The following ACAP2 variants were observed in gnomAD, a reference collection of about 807,000 sequenced individuals.
The protein encoded by ACAP2 is arf-GAP with coiled-coil, ANK repeat and PH domain-containing protein 2.
ACAP2 carries 39 observed loss-of-function variants against 115.8 expected under a neutral mutation model. The observed-to-expected ratio is 0.34, with a 90% CI of 0.26 to 0.44. ACAP2 has a LOEUF of 0.44. ACAP2 is among the 20% of genes least tolerant of loss of function. ACAP2 has a pLI of 1.00. For missense variants in ACAP2, 662 were observed against 927.6 expected (o/e 0.71, Z 3.72); for synonymous variants, 289 against 315.8 (o/e 0.92, Z 0.90).
At chr3:195,368,746 T>C (rs973133278) in intron 4 of ACAP2, among the ~76,000 whole-genome samples, 2 of 152,200 alleles carry the variant, frequency 1.3e-5, no homozygotes, top group Admixed American at 6.5e-5. Flanking sequence ...TGTGACTTGA[T>C]GAAATTTCAT....
intron 10 of ACAP2, among the ~76,000 whole-genome samples, chr3:195,318,350 G>C (rs967629196): frequency 6.6e-6 from 1 of 152,202 alleles, no homozygotes; most frequent in Non-Finnish European, 1.5e-5. Context: ...AACAGGCAGA[G>C]GTTGGAACAG....
chr3:195,362,182 G>A (rs1411317902), intron 4 of ACAP2, among the ~76,000 whole-genome samples: 1 of 152,032 alleles, frequency 6.6e-6, no homozygotes, highest in Non-Finnish European at 1.5e-5. Context: ...CAGGCGTGGT[G>A]GCACTTGCCT....
chr3:195,316,893 A>ATTTTT (rs60184290), intron 10 of ACAP2, among the ~76,000 whole-genome samples: 1 of 53,886 alleles, frequency 1.9e-5, no homozygotes, highest in Non-Finnish European at 3.3e-5. Context: ...ATGTCAGTGA[A>ATTTTT]TTTTTTTTTT....
chr3:195,389,212 G>A (rs1290904121), intron 2 of ACAP2, among the ~76,000 whole-genome samples: 9 of 152,068 alleles, frequency 5.9e-5, no homozygotes. Context: ...AGCACTCAAT[G>A]TCGATACTTC....
chr3:195,386,304 T>C (rs1484177307), intron 2 of ACAP2, among the ~76,000 whole-genome samples: 2 of 152,208 alleles, frequency 1.3e-5, no homozygotes, highest in Non-Finnish European at 2.9e-5. Flanking sequence ...TGGAATTAGA[T>C]AGTGGTGATA....
chr3:195,362,501 A>G (rs1180599072), intron 4 of ACAP2, among the ~76,000 whole-genome samples: 1 of 152,086 alleles, frequency 6.6e-6, no homozygotes, highest in Non-Finnish European at 1.5e-5. Context: ...CTTGATACCA[A>G]AATCAGACAG....
intron 2 of ACAP2, among the ~76,000 whole-genome samples, chr3:195,387,930 C>T (rs1734411360): frequency 6.6e-6 from 1 of 152,008 alleles, no homozygotes; most frequent in Admixed American, 6.6e-5. Context: ...TCTTATTTTC[C>T]CCATTTTGGA....
chr3:195,302,087 G>A lies in ACAP2; in HGVS notation c.1204C>T (p.Leu402Phe), dbSNP rs1728097996. The A allele has an allele frequency of 6.2e-7, 1 of 1,614,028 alleles. No individual in the cohort carries two copies. Among genetic ancestry groups the A allele is most frequent in the African/African-American group, 1.3e-5 (1 of 74,926 alleles). The part of the protein sequence containing the change: ...KEKLLKGESA[L>F]QRVQCIPGNA... ...CCAGGGATACACTGGACCCGCTGAA[G>A]CGCACTTTCTCCTTTCAATAATTTC... The change falls in exon 14 of 23, where the codon CTT (leucine) becomes TTT (phenylalanine). Residue 402 changes from leucine to phenylalanine, a missense_variant. This residue lies in a region of ACAP2 where 401 missense variants were observed against 604.4 expected (regional missense o/e 0.66). Transcript: ENST00000326793.
chr3:195,434,245 T>C (rs368219738), intron 1 of ACAP2, among the ~76,000 whole-genome samples: 1 of 151,902 alleles, frequency 6.6e-6, no homozygotes, highest in African/African-American at 2.4e-5. Context: ...TGTTTTTTTG[T>C]TTTTTGAGAC....
intron 1 of ACAP2, chr3:195,442,200 C>A (rs999923841): frequency 6.5e-6 from 1 of 152,846 alleles, no homozygotes; most frequent in Non-Finnish European, 1.5e-5. Context: ...CCCCGCGATT[C>A]CCGCACGCAT....
intron 1 of ACAP2, among the ~76,000 whole-genome samples, chr3:195,408,367 G>A (rs1712967568): frequency 6.6e-6 from 1 of 152,104 alleles, no homozygotes; most frequent in Admixed American, 6.6e-5. Context: ...GGGAGGCTGA[G>A]GCACAAAAAT....
At position 195,442,955 on chromosome 3, in the gene ACAP2, G is replaced by A. The variant is rs1359611798; in HGVS notation, c.-108C>T. 9.5e-6 allele frequency: 10 copies of A among 1,048,284 alleles called. No individual in the cohort carries two copies. Among genetic ancestry groups the A allele is most frequent in the South Asian group, 1.9e-5 (1 of 51,814 alleles). The allele number at this position is 1,048,284 out of a possible 1,614,324, so 64.9% of individuals were successfully genotyped here. A position where few individuals can be genotyped will look rare whatever the true frequency, so the allele number is the denominator to read the frequency against. ...GGCGCACGGCCGCGACTAGCGTTGC[G>A]CGGAGCTGCGAAGGGCGCCTCGCCC... On this transcript the variant is annotated 5_prime_UTR_variant, in exon 1 of 23. Transcript: ENST00000326793.
intron 4 of ACAP2, among the ~76,000 whole-genome samples, chr3:195,346,538 T>C (rs1731200433): frequency 6.6e-6 from 1 of 152,146 alleles, no homozygotes; most frequent in Admixed American, 6.5e-5. Flanking sequence ...AAAAACTCAA[T>C]CAAGGCTCAG....
In ACAP2 at chr3:195,297,042, T is replaced by A; in HGVS notation, c.1487+148A>T. On this transcript the variant is annotated intron_variant, in intron 16 of 22. Coordinates refer to ENST00000326793, the MANE Select transcript of ACAP2 (RefSeq NM_012287.6). ...ATACAATATAATTATCTAATTAACA[T>A]ACCGAAGAAAGAGATAGCCAACATT... 4.5e-6 allele frequency: 3 copies of A among 660,976 alleles called. No individual in the cohort carries two copies. In the South Asian group the frequency reaches 5.7e-5, roughly 13 times the overall value. 40.9% of individuals were successfully genotyped at this position (660,976 alleles called of 1,614,324 possible). A position where few individuals can be genotyped will look rare whatever the true frequency, so the allele number is the denominator to read the frequency against.
intron 4 of ACAP2, among the ~76,000 whole-genome samples, chr3:195,369,300 A>G (rs76495785): frequency 0.012 from 1,868 of 152,288 alleles, 23 homozygotes; most frequent in Non-Finnish European, 0.019. Flanking sequence ...GTTCAGTGGT[A>G]CATGTGCAGG....
intron 1 of ACAP2, among the ~76,000 whole-genome samples, chr3:195,406,722 G>T (rs1476677517): frequency 6.6e-6 from 1 of 151,994 alleles, no homozygotes; most frequent in African/African-American, 2.4e-5. Context: ...CTTTATTCTT[G>T]GCCCTAGATT....
intron 1 of ACAP2, among the ~76,000 whole-genome samples, chr3:195,420,353 G>C (rs1359987649): frequency 6.6e-6 from 1 of 151,866 alleles, no homozygotes; most frequent in Non-Finnish European, 1.5e-5. Flanking sequence ...GTTCTGTTTT[G>C]TTTTGGTTTT....
intron 1 of ACAP2, among the ~76,000 whole-genome samples, chr3:195,431,966 A>G (rs1294776932): frequency 6.6e-6 from 1 of 152,140 alleles, no homozygotes; most frequent in African/African-American, 2.4e-5. Flanking sequence ...AATGATGTTG[A>G]GCATATTTTC....
chr3:195,397,395 G>A (rs946699082), intron 1 of ACAP2, among the ~76,000 whole-genome samples: 19 of 152,098 alleles, frequency 1.2e-4, no homozygotes, highest in African/African-American at 3.6e-4. Flanking sequence ...AAAGAGTGAC[G>A]AAAAGGTCCT....
Sources: gnomAD v4.1 joint callset for allele counts (sites outside exome capture counted in the v4.1 genomes callset) on GRCh38, gnomAD v4.1.1 for gene constraint, gnomAD v4.1.1 regional missense constraint, MANE v1.5 for transcripts, NCBI Gene and HGNC (gene_info 2026-07-23, HGNC 2026-07-21) for gene names.